SORCS3: variants seen among roughly 807,000 people sequenced by gnomAD.
SORCS3 encodes the protein VPS10 domain-containing receptor SorCS3.
Under a neutral mutation model 146.3 loss-of-function variants are expected in SORCS3, and 57 were observed. The observed-to-expected ratio is 0.39, with a 90% CI of 0.31 to 0.49. SORCS3 has a LOEUF of 0.49. Among genes scored for constraint, SORCS3 ranks in the 20% least tolerant of loss-of-function variants. SORCS3 has a pLI of 0.92. For synonymous variants in SORCS3, 653 were observed against 618.5 expected, an observed-to-expected ratio of 1.06 and a Z score of -0.83; for missense variants, 1,341 against 1,575.5, an observed-to-expected ratio of 0.85 and a Z score of 2.52.
At chr10:104,933,306 A>ATTT (rs57235182) in intron 3 of SORCS3, among the ~76,000 whole-genome samples, 3 of 146,282 alleles carry the variant, frequency 2.1e-5, no homozygotes, top group Non-Finnish European at 3.0e-5. Flanking sequence ...TCCTCTGGCT[A>ATTT]TTTTTTTTTT....
At chr10:105,091,424 C>CCTTCCTTCCCTCCT (rs2055705654) in intron 6 of SORCS3, among the ~76,000 whole-genome samples, 3 of 27,136 alleles carry the variant, frequency 1.1e-4, no homozygotes, top group African/African-American at 4.3e-4. Context: ...CCTTCCTTCC[C>CCTTCCTTCCCTCCT]TCCTTCCTTC....
intron 3 of SORCS3, among the ~76,000 whole-genome samples, chr10:104,976,124 A>T (rs1269872116): frequency 6.6e-6 from 1 of 152,188 alleles, no homozygotes; most frequent in Non-Finnish European, 1.5e-5. Flanking sequence ...TGAACAGGCA[A>T]CCCACACAAT....
At chr10:105,026,939 C>T (rs1041061493) in intron 4 of SORCS3, among the ~76,000 whole-genome samples, 4 of 152,072 alleles carry the variant, frequency 2.6e-5, no homozygotes, top group Non-Finnish European at 5.9e-5. Flanking sequence ...ACACAGTATA[C>T]CCCTTTAAAT....
intron 3 of SORCS3, among the ~76,000 whole-genome samples, chr10:104,942,294 A>T (rs1243495562): frequency 1.3e-5 from 2 of 152,240 alleles, no homozygotes; most frequent in African/African-American, 4.8e-5. Flanking sequence ...AGTATTAATC[A>T]GATGAAAGGA....
At chr10:104,927,397 G>A (rs1454217327) in intron 3 of SORCS3, among the ~76,000 whole-genome samples, 1 of 152,172 alleles carries the variant, frequency 6.6e-6, no homozygotes, top group African/African-American at 2.4e-5. Context: ...AATTGTTTAG[G>A]CAGAGCCAGT....
chr10:104,794,179 C>T (rs184107923), intron 1 of SORCS3, among the ~76,000 whole-genome samples: 21 of 152,236 alleles, frequency 1.4e-4, no homozygotes, highest in Non-Finnish European at 2.4e-4. Flanking sequence ...GGAGCAGTCA[C>T]GATTCCAAAT....
intron 3 of SORCS3, among the ~76,000 whole-genome samples, chr10:104,965,902 A>C (rs930997800): frequency 1.3e-5 from 2 of 152,076 alleles, no homozygotes; most frequent in Non-Finnish European, 2.9e-5. Flanking sequence ...TTAGGGTGGA[A>C]AGGTGGGGAG....
At chr10:105,228,254 CTTT>C (rs2056745572) in intron 20 of SORCS3, among the ~76,000 whole-genome samples, 1 of 151,256 alleles carries the variant, frequency 6.6e-6, no homozygotes, top group African/African-American at 2.4e-5. Flanking sequence ...TTTTATCTTC[CTTT>C]TTTGTTTGTT....
intron 1 of SORCS3, among the ~76,000 whole-genome samples, chr10:104,642,865 G>A (rs1047587753): frequency 6.6e-6 from 1 of 152,212 alleles, no homozygotes; most frequent in Admixed American, 6.5e-5. Flanking sequence ...GTTGAGCCCG[G>A]TCTGGCCTAC....
At chr10:104,787,324 A>C (rs1198873953) in intron 1 of SORCS3, among the ~76,000 whole-genome samples, 3 of 152,150 alleles carry the variant, frequency 2.0e-5, no homozygotes, top group Non-Finnish European at 4.4e-5. Flanking sequence ...CTGATGCTGG[A>C]GTCTCTGTTG....
At chr10:105,076,718 C>T (rs2055591686) in intron 5 of SORCS3, among the ~76,000 whole-genome samples, 1 of 152,204 alleles carries the variant, frequency 6.6e-6, no homozygotes, top group Non-Finnish European at 1.5e-5. Flanking sequence ...CTGTAACTCA[C>T]ACATATGCTG....
chr10:105,124,970 T>C (rs1456887781), intron 7 of SORCS3, among the ~76,000 whole-genome samples: 1 of 152,212 alleles, frequency 6.6e-6, no homozygotes, highest in East Asian at 1.9e-4. Flanking sequence ...TGTTTCTAGA[T>C]TGCATCAGGA....
chr10:104,752,421 G>A (rs2016999495), intron 1 of SORCS3, among the ~76,000 whole-genome samples: 3 of 152,164 alleles, frequency 2.0e-5, no homozygotes, highest in Non-Finnish European at 4.4e-5. Flanking sequence ...CAAGTAAGGT[G>A]CCACAGTTGG....
At chr10:104,871,981 C>T (rs910071948) in intron 2 of SORCS3, among the ~76,000 whole-genome samples, 6 of 152,138 alleles carry the variant, frequency 3.9e-5, no homozygotes, top group African/African-American at 7.2e-5. Flanking sequence ...GACTTCTGCT[C>T]TCTCACACCC....
chr10:104,685,013 T>A (rs1171669652), intron 1 of SORCS3, among the ~76,000 whole-genome samples: 8 of 151,876 alleles, frequency 5.3e-5, no homozygotes, highest in African/African-American at 1.9e-4. Context: ...AGACAGGGTT[T>A]TGTCATATTG....
At chr10:105,087,225 ATC>A (rs1324029217) in intron 5 of SORCS3, among the ~76,000 whole-genome samples, 1 of 152,116 alleles carries the variant, frequency 6.6e-6, no homozygotes, top group Non-Finnish European at 1.5e-5. Context: ...TTTGTTGAAG[ATC>A]AGATGGATGT....
At chr10:104,735,087 A>G (rs891911755) in intron 1 of SORCS3, among the ~76,000 whole-genome samples, 1 of 152,168 alleles carries the variant, frequency 6.6e-6, no homozygotes, top group East Asian at 1.9e-4. Context: ...TAAATTCAAG[A>G]GTCAGTAAAG....
intron 13 of SORCS3, among the ~76,000 whole-genome samples, chr10:105,169,579 G>C (rs1341333772): frequency 1.3e-5 from 2 of 152,078 alleles, no homozygotes; most frequent in African/African-American, 4.8e-5. Context: ...AAGTAATGTA[G>C]GGAGTGTTCA....
intron 22 of SORCS3, among the ~76,000 whole-genome samples, chr10:105,250,156 G>C (rs1324135546): frequency 1.3e-5 from 2 of 151,948 alleles, no homozygotes; most frequent in Non-Finnish European, 2.9e-5. Flanking sequence ...GGCTCTCTGG[G>C]GTCTCTTTTA....
Sources: gnomAD v4.1 joint callset for allele counts (sites outside exome capture counted in the v4.1 genomes callset) on GRCh38, gnomAD v4.1.1 for gene constraint, MANE v1.5 for transcripts, NCBI Gene and HGNC (gene_info 2026-07-23, HGNC 2026-07-21) for gene names.